MTCL1: variants seen among roughly 807,000 people sequenced by gnomAD.
The protein encoded by MTCL1 is microtubule crosslinking factor 1, also known as microtubule cross-linking factor 1.
Under a neutral mutation model 141.4 loss-of-function variants are expected in MTCL1, and 79 were observed. The ratio of observed to expected loss-of-function variants is 0.56; its 90% CI spans 0.47 to 0.67. The LOEUF (loss-of-function observed/expected upper bound fraction) is 0.67. Ranked by LOEUF, MTCL1 falls within the 30% of genes least tolerant of loss-of-function variation. MTCL1 has a pLI of 0.00. For missense variants in MTCL1, 2,177 were observed against 2,113.9 expected (o/e 1.03, Z -0.59); for synonymous variants, 914 against 875.8 (o/e 1.04, Z -0.77).
chr18:8,787,504 C>T (rs2075559623), intron 7 of MTCL1, among the ~76,000 whole-genome samples: 1 of 152,272 alleles, frequency 6.6e-6, no homozygotes, highest in African/African-American at 2.4e-5. Flanking sequence ...GACGGCTCTG[C>T]ACTGACCCCT....
intron 10 of MTCL1, among the ~76,000 whole-genome samples, chr18:8,806,404 A>G (rs1352318445): frequency 1.3e-5 from 2 of 152,248 alleles, no homozygotes. Context: ...ATGGCAGCAT[A>G]TATGTAGGTG....
rs1243518148 is a variant in MTCL1 at position 8,818,880 on chromosome 18, C to A, written c.2860-83C>A. The A allele has an allele frequency of 9.9e-6, 14 of 1,410,192 alleles. No homozygotes were observed. The East Asian group carries it at 3.2e-4, about 32-fold the overall frequency. The allele number at this position is 1,410,192 out of a possible 1,614,324, so 87.4% of individuals were successfully genotyped here. A position where few individuals can be genotyped will look rare whatever the true frequency, so the allele number is the denominator to read the frequency against. Reference sequence around the variant, plus strand: ...TTTCAAACTGACCTATGTGTAATTGCAAATTGTGGAGAAACGATGTTCTTA... The same window carrying A: ...TTTCAAACTGACCTATGTGTAATTGAAAATTGTGGAGAAACGATGTTCTTA... On this transcript the variant is annotated intron_variant, in intron 12 of 16. Transcript: ENST00000359865.
intron 3 of MTCL1, among the ~76,000 whole-genome samples, chr18:8,719,063 A>G (rs1453783502): frequency 1.3e-5 from 2 of 152,182 alleles, no homozygotes; most frequent in Admixed American, 1.3e-4. Context: ...GGATGTAGAA[A>G]TCCTGACATT....
At chr18:8,743,402 G>A (rs1342635070) in intron 4 of MTCL1, among the ~76,000 whole-genome samples, 1 of 152,220 alleles carries the variant, frequency 6.6e-6, no homozygotes, top group Non-Finnish European at 1.5e-5. Flanking sequence ...TAGTACTACA[G>A]ATAAATATAT....
At chr18:8,806,739 C>T (rs555282557) in intron 10 of MTCL1, among the ~76,000 whole-genome samples, 154 bp from the exon 10 acceptor site, 2 of 152,242 alleles carry the variant, frequency 1.3e-5, no homozygotes, top group South Asian at 2.1e-4. Flanking sequence ...CTTTGCTCCC[C>T]GGCTAACTGC....
chr18:8,801,182 T>C (rs1236360743), intron 10 of MTCL1, among the ~76,000 whole-genome samples: 1 of 152,064 alleles, frequency 6.6e-6, no homozygotes, highest in Non-Finnish European at 1.5e-5. Flanking sequence ...GGGCTGTGGC[T>C]CTCCCAGGCC....
At chr18:8,792,245 T>C (rs939782581) in intron 7 of MTCL1, among the ~76,000 whole-genome samples, 5 of 152,128 alleles carry the variant, frequency 3.3e-5, no homozygotes, top group Admixed American at 2.6e-4. Context: ...AGCATAAGAG[T>C]GTTTCCATCT....
At chr18:8,803,141 C>T (rs1179311272) in intron 10 of MTCL1, among the ~76,000 whole-genome samples, 1 of 144,956 alleles carries the variant, frequency 6.9e-6, no homozygotes, top group Non-Finnish European at 1.5e-5. Context: ...GATTAGATGG[C>T]TTCTGCAAGG....
intron 10 of MTCL1, chr18:8,800,766 A>G (rs929778659): frequency 6.6e-6 from 1 of 152,274 alleles, no homozygotes; most frequent in Non-Finnish European, 1.5e-5. Context: ...GAATCCAGCT[A>G]CTTCACACAA....
At chr18:8,804,770 T>A (rs1269187581) in intron 10 of MTCL1, among the ~76,000 whole-genome samples, 1 of 152,142 alleles carries the variant, frequency 6.6e-6, no homozygotes, top group Non-Finnish European at 1.5e-5. Flanking sequence ...GGCAGGTGGA[T>A]CAGTTGAGGC....
intron 15 of MTCL1, among the ~76,000 whole-genome samples, chr18:8,827,210 G>T (rs547802373): frequency 6.6e-6 from 1 of 152,244 alleles, no homozygotes; most frequent in African/African-American, 2.4e-5. Context: ...CTCCTGGTCT[G>T]CCCGCTGCTT....
intron 11 of MTCL1, among the ~76,000 whole-genome samples, chr18:8,812,014 A>C (rs4797334): frequency 6.6e-6 from 1 of 152,184 alleles, no homozygotes; most frequent in Admixed American, 6.5e-5. Flanking sequence ...GGAAATTGCA[A>C]CAGTGTATTC....
At chr18:8,831,562 C>A in intron 16 of MTCL1, 45 bp from the exon 15 acceptor site, 1 of 1,539,480 alleles carries the variant, frequency 6.5e-7, no homozygotes, top group African/African-American at 1.4e-5. Context: ...CCACTGGTGA[C>A]ACTGCCGGTC....
chr18:8,708,977 T>C (rs2096072303), intron 1 of MTCL1, among the ~76,000 whole-genome samples: 1 of 152,188 alleles, frequency 6.6e-6, no homozygotes, highest in Non-Finnish European at 1.5e-5. Flanking sequence ...CTCAGAAGCT[T>C]AAATGACAAT....
At chr18:8,799,255 C>G (rs1035725141) in intron 10 of MTCL1, among the ~76,000 whole-genome samples, 44 of 152,374 alleles carry the variant, frequency 2.9e-4, no homozygotes, top group Admixed American at 2.6e-3. Flanking sequence ...TGGGAGCACG[C>G]TGTCGCCAGA....
chr18:8,791,877 G>A (rs971291907), intron 7 of MTCL1, among the ~76,000 whole-genome samples: 3 of 137,350 alleles, frequency 2.2e-5, no homozygotes, highest in Admixed American at 7.4e-5. Flanking sequence ...AAAGTTTTAT[G>A]CTGAACTTGG....
chr18:8,716,527 T>C (rs2096129139), upstream of MTCL1, among the ~76,000 whole-genome samples: 1 of 152,008 alleles, frequency 6.6e-6, no homozygotes, highest in Non-Finnish European at 1.5e-5. Context: ...GTACTTAATC[T>C]TACCTAGGAT....
At chr18:8,759,800 G>A (rs140561440) in intron 4 of MTCL1, among the ~76,000 whole-genome samples, 305 of 152,196 alleles carry the variant, frequency 2.0e-3, no homozygotes, top group Non-Finnish European at 3.6e-3. Flanking sequence ...CTGGGTCTGC[G>A]GGGGGTCCCA....
At chr18:8,750,296 T>C (rs2096364011) in intron 4 of MTCL1, among the ~76,000 whole-genome samples, 1 of 152,228 alleles carries the variant, frequency 6.6e-6, no homozygotes, top group African/African-American at 2.4e-5. Context: ...TCTGCCCGCC[T>C]CAGCCTCCCA....
Sources: allele counts gnomAD v4.1 joint callset (sites outside exome capture counted in the v4.1 genomes callset), GRCh38; gene constraint gnomAD v4.1.1; transcripts MANE v1.5; gene names NCBI Gene and HGNC (gene_info 2026-07-23, HGNC 2026-07-21).